Variants in ELF2 observed in about 807,000 individuals in gnomAD.
ELF2 encodes E74 like ETS transcription factor 2.
ELF2 carries 11 observed loss-of-function variants against 54.8 expected under a neutral mutation model. The ratio of observed to expected loss-of-function variants is 0.20; its 90% CI spans 0.13 to 0.33. ELF2 has a LOEUF of 0.33. ELF2 is among the 10% of genes least tolerant of loss of function. The probability of loss-of-function intolerance (pLI) is 1.00; values close to 1 mark genes in which losing one functional copy is unlikely to be tolerated. For synonymous variants in ELF2, 203 were observed against 245.1 expected (o/e 0.83, Z 1.61); for missense variants, 513 against 703.0 (o/e 0.73, Z 3.06).
chr4:139,150,979 G>A (rs1488770080), intron 1 of ELF2, among the ~76,000 whole-genome samples: 5 of 146,976 alleles, frequency 3.4e-5, no homozygotes, highest in African/African-American at 1.0e-4. Context: ...AGCCGAGATC[G>A]CACCACTGCA....
rs554468150 is a variant in ELF2 at position 139,133,190 on chromosome 4, G to A, written c.72+4440C>T. Among the ~76,000 whole-genome samples, 124 of 152,192 alleles carry A rather than the reference G, an allele frequency of 8.1e-4. 3 individuals carry two copies. The South Asian group carries it at 0.024, about 30-fold the overall frequency. ...CCCGCCTCGGCTTCCGAAAATGCTG[G>A]GATTACAGGCGTGAGCCACCACGCC... On this transcript the variant is annotated intron_variant, in intron 3 of 9. Coordinates refer to ENST00000686138, the MANE Select transcript of ELF2 (RefSeq NM_001331036.3).
intron 4 of ELF2, among the ~76,000 whole-genome samples, chr4:139,083,621 G>A (rs189547084): frequency 1.5e-4 from 23 of 152,250 alleles, no homozygotes; most frequent in Non-Finnish European, 3.1e-4. Flanking sequence ...GGAAGTCATG[G>A]AATTGTGGAC....
At chr4:139,130,464 C>T (rs1737378113) in intron 3 of ELF2, among the ~76,000 whole-genome samples, 1 of 152,164 alleles carries the variant, frequency 6.6e-6, no homozygotes. Context: ...GACTTTTGCT[C>T]ATGTTATTTT....
intron 1 of ELF2, among the ~76,000 whole-genome samples, chr4:139,159,793 T>C (rs987277937): frequency 6.6e-6 from 1 of 152,218 alleles, no homozygotes; most frequent in African/African-American, 2.4e-5. Flanking sequence ...TAAAGCAGCC[T>C]TGAGAAGAGT....
rs1190335635 is a variant in ELF2 at position 139,127,991 on chromosome 4, C to T, written c.73-2662G>A. Among the ~76,000 whole-genome samples, 3 of 150,510 alleles carry T rather than the reference C, an allele frequency of 2.0e-5. No individual in the cohort carries two copies. The South Asian group carries it at 6.3e-4, about 31-fold the overall frequency. On this transcript the variant is annotated intron_variant, in intron 3 of 9. Coordinates refer to ENST00000686138, the MANE Select transcript of ELF2 (RefSeq NM_001331036.3). Reference sequence around the variant, plus strand: ...AAAAAAAAAAAAAAAAAATTCAGACCAGGTTCAGCGGCTCACACCTGTAAT... The same window carrying T: ...AAAAAAAAAAAAAAAAAATTCAGACTAGGTTCAGCGGCTCACACCTGTAAT...
At chr4:139,161,012 ATCTC>A (rs976259458) in intron 1 of ELF2, among the ~76,000 whole-genome samples, 12 of 152,224 alleles carry the variant, frequency 7.9e-5, no homozygotes, top group Non-Finnish European at 1.2e-4. Flanking sequence ...ATGCAGTAAG[ATCTC>A]TCTGTGTGTG....
At chr4:139,091,451 G>A (rs1314532534) in intron 4 of ELF2, among the ~76,000 whole-genome samples, 1 of 151,988 alleles carries the variant, frequency 6.6e-6, no homozygotes, top group Non-Finnish European at 1.5e-5. Flanking sequence ...AAACTAGAAG[G>A]AATAAATAAT....
At chr4:139,172,871 C>T (rs915641447) in intron 1 of ELF2, among the ~76,000 whole-genome samples, 1 of 94,326 alleles carries the variant, frequency 1.1e-5, no homozygotes, top group Admixed American at 1.7e-4. Context: ...GAATGTATCC[C>T]ACACAGATAA....
chr4:139,073,614 T>C, intron 4 of ELF2, 47 bp from the exon 5 acceptor site: 3 of 1,069,560 alleles, frequency 2.8e-6, no homozygotes, highest in Non-Finnish European at 3.9e-6. Context: ...ACTAAACACA[T>C]GACTAAAACA....
At chr4:139,167,281 T>A (rs574980792) in intron 1 of ELF2, among the ~76,000 whole-genome samples, 12 of 152,338 alleles carry the variant, frequency 7.9e-5, no homozygotes, top group African/African-American at 2.2e-4. Flanking sequence ...GTTCAGGTGT[T>A]CCCATTCCTA....
intron 4 of ELF2, among the ~76,000 whole-genome samples, chr4:139,124,466 TATA>T (rs1736705523): frequency 6.6e-6 from 1 of 152,166 alleles, no homozygotes; most frequent in Non-Finnish European, 1.5e-5. Context: ...AAACAACAAG[TATA>T]ATGATTCTTT....
At chr4:139,126,597 C>T (rs917617442) in intron 3 of ELF2, among the ~76,000 whole-genome samples, 1 of 152,088 alleles carries the variant, frequency 6.6e-6, no homozygotes, top group African/African-American at 2.4e-5. Context: ...CAGGTTACTA[C>T]AAAGAATCAG....
intron 6 of ELF2, among the ~76,000 whole-genome samples, chr4:139,068,927 G>A (rs539709118): frequency 2.6e-5 from 4 of 151,792 alleles, no homozygotes; most frequent in Admixed American, 2.0e-4. Flanking sequence ...CACCCAGACT[G>A]GAGCGCAGTG....
chr4:139,163,836 C>A (rs567804005), intron 1 of ELF2, among the ~76,000 whole-genome samples: 3 of 151,872 alleles, frequency 2.0e-5, no homozygotes, highest in African/African-American at 7.2e-5. Flanking sequence ...ATCACTTGAG[C>A]CCGCCAAGTT....
intron 1 of ELF2, among the ~76,000 whole-genome samples, chr4:139,174,132 C>T (rs551915954): frequency 6.8e-6 from 1 of 147,738 alleles, no homozygotes; most frequent in South Asian, 2.2e-4. Flanking sequence ...TCGCTTGAAC[C>T]GGGTGGCAGA....
chr4:139,058,174 C>T lies in ELF2; in HGVS notation c.*809G>A, dbSNP rs1294559557. On this transcript the variant is annotated 3_prime_UTR_variant, in exon 10 of 10. Coordinates refer to ENST00000686138, the MANE Select transcript of ELF2 (RefSeq NM_001331036.3). ...GCATGTTACAGCAAAAGGCCAGAGC[C>T]AACTGTTAATTTGTCCACAATTAAG... 1.3e-5 allele frequency: 2 copies of T among 152,372 alleles called. No homozygotes were observed. The highest frequency in any genetic ancestry group is 4.8e-5 in the African/African-American group (2 of 41,380). 9.4% of individuals were successfully genotyped at this position (152,372 alleles called of 1,614,324 possible).
intron 4 of ELF2, among the ~76,000 whole-genome samples, chr4:139,082,394 T>C (rs187586645): frequency 1.4e-4 from 21 of 152,322 alleles, no homozygotes; most frequent in Admixed American, 1.4e-3. Context: ...TTGTGCTCTC[T>C]TACTAAACTT....
intron 3 of ELF2, among the ~76,000 whole-genome samples, chr4:139,132,198 A>C (rs557133704): frequency 6.6e-6 from 1 of 152,334 alleles, no homozygotes; most frequent in African/African-American, 2.4e-5. Context: ...TGGTACAAAA[A>C]CCAAAAAAAT....
At chr4:139,158,293 C>G (rs1740753520) in intron 1 of ELF2, among the ~76,000 whole-genome samples, 1 of 152,154 alleles carries the variant, frequency 6.6e-6, no homozygotes, top group South Asian at 2.1e-4. Context: ...TGTGATTCTT[C>G]AGTTACTTCA....
Sources: allele counts gnomAD v4.1 joint callset (sites outside exome capture counted in the v4.1 genomes callset), GRCh38; gene constraint gnomAD v4.1.1; transcripts MANE v1.5; gene names NCBI Gene and HGNC (gene_info 2026-07-23, HGNC 2026-07-21).